The following ADAMTSL1 variants were observed in gnomAD, a reference collection of about 807,000 sequenced individuals.
The protein encoded by ADAMTSL1 is ADAMTS-like protein 1.
A neutral mutation model predicts 201.8 loss-of-function variants in ADAMTSL1; 126 were observed. The ratio of observed to expected loss-of-function variants is 0.62; its 90% CI spans 0.54 to 0.72. ADAMTSL1 has a LOEUF of 0.72. ADAMTSL1 is among the 30% of genes least tolerant of loss of function. ADAMTSL1 has a pLI of 0.00. For missense variants in ADAMTSL1, 2,679 were observed against 2,277.8 expected (o/e 1.18, Z -3.59); for synonymous variants, 1,121 against 903.4 (o/e 1.24, Z -4.32).
intron 2 of ADAMTSL1, among the ~76,000 whole-genome samples, chr9:18,454,074 G>A (rs1820515100): frequency 6.6e-6 from 1 of 152,186 alleles, no homozygotes. Context: ...ATGTGATTAT[G>A]GAAGCTGAGA....
chr9:18,557,651 G>A (rs1332098980), intron 3 of ADAMTSL1, among the ~76,000 whole-genome samples: 1 of 151,984 alleles, frequency 6.6e-6, no homozygotes, highest in African/African-American at 2.4e-5. Flanking sequence ...GTTGGAGACT[G>A]GGAAGGAGAG....
At chr9:18,118,214 C>T (rs189622228) in intron 1 of ADAMTSL1, among the ~76,000 whole-genome samples, 8 of 152,284 alleles carry the variant, frequency 5.3e-5, no homozygotes, top group Admixed American at 2.0e-4. Context: ...AATGGAAAGA[C>T]GGACAACAAT....
intron 3 of ADAMTSL1, among the ~76,000 whole-genome samples, chr9:18,554,257 AT>A (rs1337906805): frequency 2.6e-5 from 4 of 151,166 alleles, no homozygotes; most frequent in Non-Finnish European, 4.4e-5. Context: ...AAATTTTTTT[AT>A]TTTGCATCCT....
At chr9:18,318,064 C>A (rs981562380) in intron 2 of ADAMTSL1, among the ~76,000 whole-genome samples, 1 of 152,172 alleles carries the variant, frequency 6.6e-6, no homozygotes, top group Non-Finnish European at 1.5e-5. Context: ...AAATTAGACA[C>A]CTCTTGGGCT....
At chr9:18,467,221 A>C (rs1426415518) in intron 2 of ADAMTSL1, among the ~76,000 whole-genome samples, 1 of 152,226 alleles carries the variant, frequency 6.6e-6, no homozygotes, top group Non-Finnish European at 1.5e-5. Context: ...ACCTATAGAT[A>C]TATGAGACCC....
At chr9:18,804,030 C>T (rs1822956453) in intron 20 of ADAMTSL1, among the ~76,000 whole-genome samples, 1 of 152,044 alleles carries the variant, frequency 6.6e-6, no homozygotes, top group African/African-American at 2.4e-5. Flanking sequence ...AATTTAGAAG[C>T]AGAATAGGAC....
At chr9:18,420,183 C>A (rs1379991755) in intron 2 of ADAMTSL1, among the ~76,000 whole-genome samples, 1 of 152,168 alleles carries the variant, frequency 6.6e-6, no homozygotes, top group African/African-American at 2.4e-5. Flanking sequence ...GTTGCACCAA[C>A]CTATAGAACA....
intron 4 of ADAMTSL1, among the ~76,000 whole-genome samples, chr9:18,581,267 C>A (rs1823072760): frequency 6.6e-6 from 1 of 152,144 alleles, no homozygotes; most frequent in African/African-American, 2.4e-5. Flanking sequence ...ATAAGGACAG[C>A]AATCATATTA....
At chr9:18,870,122 A>T (rs1308437475) in intron 23 of ADAMTSL1, among the ~76,000 whole-genome samples, 1 of 152,084 alleles carries the variant, frequency 6.6e-6, no homozygotes, top group African/African-American at 2.4e-5. Flanking sequence ...CCATCTGTTC[A>T]TTTATTATGA....
chr9:18,596,869 G>A (rs906698553), intron 4 of ADAMTSL1, among the ~76,000 whole-genome samples: 1 of 152,152 alleles, frequency 6.6e-6, no homozygotes, highest in African/African-American at 2.4e-5. Flanking sequence ...AGGCTCTAAG[G>A]TCCAGCTCTA....
intron 2 of ADAMTSL1, among the ~76,000 whole-genome samples, chr9:18,424,572 T>C (rs772131873): frequency 6.6e-6 from 1 of 152,180 alleles, no homozygotes; most frequent in Non-Finnish European, 1.5e-5. Flanking sequence ...ACCCCAAAGT[T>C]AGAAAAATGC....
At chr9:18,516,710 C>T (rs1333918888) in intron 2 of ADAMTSL1, among the ~76,000 whole-genome samples, 1 of 152,128 alleles carries the variant, frequency 6.6e-6, no homozygotes, top group African/African-American at 2.4e-5. Flanking sequence ...ATCAAGTGGG[C>T]AGTGCCTGGA....
At chr9:18,155,022 T>C (rs765224957) in intron 1 of ADAMTSL1, among the ~76,000 whole-genome samples, 15 of 152,168 alleles carry the variant, frequency 9.9e-5, no homozygotes, top group Non-Finnish European at 1.8e-4. Context: ...GAGTCACAGA[T>C]ATAAGAATTA....
chr9:18,103,809 C>T (rs1331116777), intron 1 of ADAMTSL1, among the ~76,000 whole-genome samples: 2 of 152,002 alleles, frequency 1.3e-5, no homozygotes, highest in African/African-American at 2.4e-5. Context: ...TCTTCTAGGC[C>T]TTTGTTTCTG....
Position 18,422,438 on chromosome 9 carries a change from C to T in ADAMTSL1, c.208-82391C>T, listed in dbSNP as rs750690877. Among the ~76,000 whole-genome samples the T allele has an allele frequency of 1.8e-4, 28 of 152,016 alleles. No individual in the cohort carries two copies. The South Asian group carries it at 3.7e-3, about 20-fold the overall frequency. On this transcript the variant is annotated intron_variant, in intron 2 of 29. Transcript: ENST00000680146. ...TGTTTCTGTGGCATTCAGACATCCT[C>T]CCTGTGGGTTTTCATGTGGTTTGTC... is the stretch of plus-strand genomic sequence containing the variant.
intron 2 of ADAMTSL1, among the ~76,000 whole-genome samples, chr9:18,459,749 A>T (rs1820740021): frequency 6.6e-6 from 1 of 152,210 alleles, no homozygotes; most frequent in Non-Finnish European, 1.5e-5. Flanking sequence ...TGTATTAGGT[A>T]ACTGTAAAAA....
At chr9:18,025,560 G>A (rs1168958903) in intron 1 of ADAMTSL1, among the ~76,000 whole-genome samples, 1 of 152,050 alleles carries the variant, frequency 6.6e-6, no homozygotes, top group Non-Finnish European at 1.5e-5. Context: ...TCAGATGGTT[G>A]CAGGTGTGTG....
chr9:17,990,060 TATTTA>T (rs1819088522), intron 1 of ADAMTSL1, among the ~76,000 whole-genome samples: 1 of 152,104 alleles, frequency 6.6e-6, no homozygotes, highest in South Asian at 2.1e-4. Context: ...AAAGCAGGAT[TATTTA>T]AATAAAACCT....
At chr9:18,767,707 G>C (rs183141870) in intron 16 of ADAMTSL1, among the ~76,000 whole-genome samples, 1 of 152,138 alleles carries the variant, frequency 6.6e-6, no homozygotes, top group African/African-American at 2.4e-5. Context: ...GGCAGTGCGG[G>C]TACAAAATTA....
Sources: allele counts gnomAD v4.1 joint callset (sites outside exome capture counted in the v4.1 genomes callset), GRCh38; gene constraint gnomAD v4.1.1; transcripts MANE v1.5; gene names NCBI Gene and HGNC (gene_info 2026-07-23, HGNC 2026-07-21).